Variants in EIF3A observed in about 807,000 individuals in gnomAD.
EIF3A encodes EIF3, p180 subunit.
A neutral mutation model predicts 186.6 loss-of-function variants in EIF3A; 21 were observed. The ratio of observed to expected loss-of-function variants is 0.11; its 90% confidence interval spans 0.08 to 0.16. EIF3A has a LOEUF of 0.16. Among genes scored for constraint, EIF3A ranks in the 10% least tolerant of loss-of-function variants. The pLI is 1.00. For missense variants in EIF3A, 1,306 were observed against 1,796.3 expected (o/e 0.73, Z 4.93); for synonymous variants, 563 against 584.3 (o/e 0.96, Z 0.52).
chr10:119,061,030 T>C (rs935277791), intron 8 of EIF3A, 186 bp from the exon 9 acceptor site: 9 of 578,404 alleles, frequency 1.6e-5, no homozygotes, highest in Middle Eastern at 7.9e-4. Context: ...GTCATGCTGC[T>C]AATTAACCTC....
At chr10:119,077,930 C>T (rs1166274684) in intron 1 of EIF3A, among the ~76,000 whole-genome samples, 1 of 152,010 alleles carries the variant, frequency 6.6e-6, no homozygotes, top group Non-Finnish European at 1.5e-5. Context: ...GGTTCTATTT[C>T]AATACTTAAA....
chr10:119,038,173 G>A, intron 20 of EIF3A, 65 bp downstream of exon 20: 1 of 1,401,754 alleles, frequency 7.1e-7, no homozygotes, highest in Non-Finnish European at 9.9e-7. Context: ...CTCCCAAAGT[G>A]CTGGGATTAC....
intron 21 of EIF3A, among the ~76,000 whole-genome samples, chr10:119,036,816 C>T (rs55779482): frequency 0.064 from 9,776 of 152,162 alleles, 589 homozygotes; most frequent in African/African-American, 0.16. Context: ...AATGTTTCTA[C>T]TTTGTGCTTA....
At chr10:119,055,139 G>A (rs1848408136) in intron 14 of EIF3A, among the ~76,000 whole-genome samples, 1 of 152,112 alleles carries the variant, frequency 6.6e-6, no homozygotes, top group Non-Finnish European at 1.5e-5. Flanking sequence ...ACCCGGCGGG[G>A]GCAGAGGTTG....
intron 6 of EIF3A, among the ~76,000 whole-genome samples, chr10:119,067,589 A>G (rs747206055): frequency 4.6e-5 from 7 of 152,246 alleles, no homozygotes; most frequent in Non-Finnish European, 8.8e-5. Flanking sequence ...GCAAGACCCT[A>G]TGAGAAAGGA....
intron 18 of EIF3A, among the ~76,000 whole-genome samples, chr10:119,043,062 T>C (rs1352292113): frequency 3.3e-5 from 5 of 151,906 alleles, no homozygotes; most frequent in South Asian, 2.1e-4. Context: ...GGCGGGAGGA[T>C]TGCTTGAGCC....
In EIF3A at chr10:119,059,321, A is replaced by G; in HGVS notation, c.1520T>C (p.Ile507Thr). 1 of 1,613,282 alleles carries G rather than the reference A, an allele frequency of 6.2e-7. No individual in the cohort carries two copies. The highest frequency in any genetic ancestry group is 2.2e-5 in the East Asian group (1 of 44,884). The change falls in exon 11 of 22, where the codon ATT (isoleucine) becomes ACT (threonine). Residue 507 changes from isoleucine (I) to threonine (T), a missense_variant. This residue lies in a region of EIF3A where 267 missense variants were observed against 367.8 expected (regional missense o/e 0.73). Coordinates refer to ENST00000369144, the MANE Select transcript of EIF3A (RefSeq NM_003750.4). ...LNYATREDAP[I>T]GPHLQSMPSE... ...AGGCATGCTTTGCAAATGAGGACCA[A>G]TCGGAGCATCTTCTCGAGTAGCATA... is the stretch of plus-strand genomic sequence containing the variant.
chr10:119,042,097 T>A lies in EIF3A; in HGVS notation c.3423A>T (p.Arg1141Ser), dbSNP rs770203283. 4.3e-6 allele frequency: 7 copies of A among 1,614,102 alleles called. No individual in the cohort carries two copies. In the South Asian group the frequency reaches 7.7e-5, roughly 18 times the overall value. ...RGAEDDRGPW[R>S]NMDDDRLSRR... The stretch of plus-strand genomic sequence containing the variant: ...TTGAAAGGCGATCATCATCCATGTT[T>A]CTCCAAGGGCCCCTGTCATCCTCTG... The change falls in exon 19 of 22, where the codon AGA (arginine) becomes AGT (serine). Residue 1141 changes from arginine to serine, a missense_variant. Transcript: ENST00000369144. The surrounding 1 kb of genome is among the most constrained non-coding windows in gnomAD (Gnocchi z 7.8).
chr10:119,078,292 T>C (rs1458062984), intron 1 of EIF3A, among the ~76,000 whole-genome samples: 1 of 152,228 alleles, frequency 6.6e-6, no homozygotes, highest in African/African-American at 2.4e-5. Context: ...CTGTAACTGC[T>C]GGTCCAAGTT....
intron 17 of EIF3A, 80 bp from the exon 18 acceptor site, chr10:119,044,222 T>C: frequency 1.0e-6 from 1 of 957,486 alleles, no homozygotes; most frequent in African/African-American, 1.6e-5. Context: ...ATTCAAATAT[T>C]TTTTGTACTT....
intron 17 of EIF3A, 146 bp downstream of exon 17, chr10:119,049,655 G>C: frequency 1.5e-6 from 1 of 671,318 alleles, no homozygotes; most frequent in Non-Finnish European, 2.6e-6. Flanking sequence ...AGGAGGCTGA[G>C]ACACGAGAAT....
intron 12 of EIF3A, 143 bp from the exon 13 acceptor site, chr10:119,057,183 A>G: frequency 1.7e-6 from 1 of 601,260 alleles, no homozygotes; most frequent in Non-Finnish European, 2.9e-6. Flanking sequence ...AATATTATAC[A>G]ATAGCCTTAT....
chr10:119,053,280 A>G (rs372991152), intron 14 of EIF3A, among the ~76,000 whole-genome samples: 1 of 152,250 alleles, frequency 6.6e-6, no homozygotes, highest in African/African-American at 2.4e-5. Context: ...ATTGGCTTCA[A>G]CTTCCAGTTA....
intron 8 of EIF3A, 178 bp from the exon 9 acceptor site, chr10:119,061,022 C>A: frequency 1.7e-6 from 1 of 577,780 alleles, no homozygotes. Flanking sequence ...CTAAATTAGT[C>A]ATGCTGCTAA....
intron 7 of EIF3A, 55 bp downstream of exon 7, chr10:119,065,344 C>T: frequency 7.5e-7 from 1 of 1,336,376 alleles, no homozygotes; most frequent in Non-Finnish European, 1.1e-6. Flanking sequence ...AGTTATTAAA[C>T]CTGACCACAA....
At chr10:119,062,743 CTTT>C (rs372690463) in intron 7 of EIF3A, among the ~76,000 whole-genome samples, 3 of 91,030 alleles carry the variant, frequency 3.3e-5, no homozygotes, top group Admixed American at 1.6e-4. Context: ...AAGAGATCAC[CTTT>C]TTTTTTTTTT....
intron 1 of EIF3A, among the ~76,000 whole-genome samples, chr10:119,080,060 G>C (rs1402975706): frequency 1.3e-5 from 2 of 152,266 alleles, no homozygotes; most frequent in Non-Finnish European, 2.9e-5. Context: ...ATATAAAGCA[G>C]CTGGGTAAAG....
Position 119,038,307 on chromosome 10 carries a change from T to C in EIF3A, c.3659A>G (p.Asp1220Gly), listed in dbSNP as rs765226054. Residue 1220 changes from aspartate (D) to glycine (G), a missense_variant, in exon 20 of 22, where the codon GAC (aspartate) becomes GGC (glycine). Physicochemically the swap from Asp to Gly is moderately conservative, Grantham distance 94 (BLOSUM62 -1). Around this residue, in one of 8 missense-constraint regions of EIF3A, gnomAD observed 331 missense variants for 365.8 expected, o/e 0.90. Coordinates refer to ENST00000369144, the MANE Select transcript of EIF3A (RefSeq NM_003750.4). ...DRDNQDREENDKDPERERDRE... is the reference protein window; with the variant it reads ...DRDNQDREENGKDPERERDRE... ...GTCCCTTTCTCTCTCAGGGTCCTTG[T>C]CATTCTCCTCCCGATCTTGATTATC... The C allele has an allele frequency of 1.2e-6, 2 of 1,614,144 alleles. No individual in the cohort carries two copies. Among genetic ancestry groups the C allele is most frequent in the Admixed American group, 1.7e-5 (1 of 60,004 alleles).
At chr10:119,052,722 T>C (rs1848375971) in intron 14 of EIF3A, among the ~76,000 whole-genome samples, 1 of 152,116 alleles carries the variant, frequency 6.6e-6, no homozygotes, top group Non-Finnish European at 1.5e-5. Flanking sequence ...ACATCTGCAA[T>C]TATTTTCTCC....
Sources: allele counts gnomAD v4.1 joint callset (sites outside exome capture counted in the v4.1 genomes callset), GRCh38; gene constraint gnomAD v4.1.1; regional missense constraint gnomAD v4.1.1; non-coding constraint Gnocchi (gnomAD v3.1); transcripts MANE v1.5; gene names NCBI Gene and HGNC (gene_info 2026-07-23, HGNC 2026-07-21).